NFIB: variants seen among roughly 807,000 people sequenced by gnomAD.
The protein encoded by NFIB is nuclear factor 1 B-type.
In NFIB, 11 loss-of-function variants were observed where a neutral mutation model predicts 61.5. The observed-to-expected ratio is 0.18, with a 90% CI of 0.11 to 0.30. The LOEUF is 0.30. NFIB is among the 10% of genes least tolerant of loss of function. The pLI, the probability that NFIB is intolerant of heterozygous loss-of-function variation, is 1.00. For missense variants in NFIB, 471 were observed against 608.9 expected, an observed-to-expected ratio of 0.77 and a Z score of 2.38; for synonymous variants, 260 against 216.5, an observed-to-expected ratio of 1.20 and a Z score of -1.76.
intron 1 of NFIB, among the ~76,000 whole-genome samples, chr9:14,336,879 C>G (rs931549044): frequency 6.6e-6 from 1 of 152,158 alleles, no homozygotes; most frequent in Non-Finnish European, 1.5e-5. Flanking sequence ...GTCATACACT[C>G]TCCGTCACAA....
intron 3 of NFIB, among the ~76,000 whole-genome samples, chr9:14,162,378 G>A (rs560483304): frequency 1.3e-5 from 2 of 151,844 alleles, no homozygotes; most frequent in African/African-American, 4.8e-5. Flanking sequence ...AGATTCTCCG[G>A]TTTTTTTCTA....
intron 3 of NFIB, among the ~76,000 whole-genome samples, chr9:14,164,599 T>C (rs72698756): frequency 0.062 from 9,376 of 152,164 alleles, 420 homozygotes; most frequent in Non-Finnish European, 0.09. Flanking sequence ...GACATAACCA[T>C]AGAAATCAAA....
chr9:14,336,963 C>T (rs967387101), intron 1 of NFIB, among the ~76,000 whole-genome samples: 5 of 152,140 alleles, frequency 3.3e-5, no homozygotes, highest in African/African-American at 1.2e-4. Flanking sequence ...GCTGTGTTTC[C>T]ATAAAACTTT....
intron 3 of NFIB, among the ~76,000 whole-genome samples, chr9:14,163,913 A>G (rs2044479116): frequency 6.6e-6 from 1 of 151,906 alleles, no homozygotes; most frequent in South Asian, 2.1e-4. Context: ...AATTATCTCA[A>G]CTACCTAGAA....
intron 2 of NFIB, among the ~76,000 whole-genome samples, chr9:14,290,549 G>C (rs1420943134): frequency 6.6e-6 from 1 of 151,998 alleles, no homozygotes; most frequent in African/African-American, 2.4e-5. Context: ...CAACTACATA[G>C]TGAATAGTAT....
chr9:14,466,432 G>A, the NFIB span, among the ~76,000 whole-genome samples: 1 of 151,994 alleles, frequency 6.6e-6, no homozygotes, highest in East Asian at 1.9e-4. Flanking sequence ...TAGGAACACG[G>A]CACTCTGGAT....
At chr9:14,495,878 G>T in the NFIB span, among the ~76,000 whole-genome samples, 5 of 152,106 alleles carry the variant, frequency 3.3e-5, no homozygotes, top group African/African-American at 9.7e-5. Flanking sequence ...AGAAATTATG[G>T]TTTAGTGACT....
chr9:14,360,003 T>G (rs914418441), intron 1 of NFIB, among the ~76,000 whole-genome samples: 1 of 152,228 alleles, frequency 6.6e-6, no homozygotes, highest in African/African-American at 2.4e-5. Context: ...CTAACCAATG[T>G]AGACATGCTA....
chr9:14,091,533 T>C (rs1186461419), intron 10 of NFIB, among the ~76,000 whole-genome samples: 2 of 152,056 alleles, frequency 1.3e-5, no homozygotes, highest in African/African-American at 4.8e-5. Flanking sequence ...TGGATAATCT[T>C]ATGTTCATTC....
chr9:14,225,750 A>T (rs2052318618), intron 2 of NFIB, among the ~76,000 whole-genome samples: 1 of 152,160 alleles, frequency 6.6e-6, no homozygotes, highest in Admixed American at 6.5e-5. Flanking sequence ...TCTCAACTTT[A>T]CTGTAATTCT....
chr9:14,276,131 A>AT, intron 2 of NFIB, among the ~76,000 whole-genome samples: 1 of 152,186 alleles, frequency 6.6e-6, no homozygotes, highest in East Asian at 1.9e-4. Flanking sequence ...GCCATACTCC[A>AT]TTTTTTGGTA....
intron 2 of NFIB, among the ~76,000 whole-genome samples, chr9:14,240,437 C>T (rs1317228283): frequency 6.6e-6 from 1 of 152,118 alleles, no homozygotes; most frequent in Non-Finnish European, 1.5e-5. Flanking sequence ...ATGTGCATCG[C>T]ATTATAAATG....
In NFIB at chr9:14,120,850, T is replaced by A. The variant is rs554490029; in HGVS notation, c.1061-226A>T. Among the ~76,000 whole-genome samples the A allele has an allele frequency of 9.8e-5, 15 of 152,340 alleles. No individual in the cohort carries two copies. Among genetic ancestry groups the A allele is most frequent in the African/African-American group, 3.6e-4 (15 of 41,580 alleles). On this transcript the variant is annotated intron_variant, in intron 7 of 10. Coordinates refer to ENST00000380953, the MANE Select transcript of NFIB (RefSeq NM_001190737.2). This position sits in a 1 kb window ranked among gnomAD's most constrained non-coding sequence, Gnocchi z 4.4. ...ACATCACTCTAGAAAATTAACAATC[T>A]TGCTTCCTGGCTCTGTGAGTGGTTA...
At chr9:14,310,235 A>C (rs962915219) in intron 1 of NFIB, among the ~76,000 whole-genome samples, 2 of 152,202 alleles carry the variant, frequency 1.3e-5, no homozygotes, top group Non-Finnish European at 2.9e-5. Context: ...AATGCTGCCA[A>C]TATTGTTTTA....
At chr9:14,248,092 C>T (rs2055143043) in intron 2 of NFIB, among the ~76,000 whole-genome samples, 1 of 151,736 alleles carries the variant, frequency 6.6e-6, no homozygotes, top group South Asian at 2.1e-4. Context: ...ACCACCATGC[C>T]CAGCTAACTT....
At chr9:14,301,483 C>T (rs1027644047) in intron 2 of NFIB, among the ~76,000 whole-genome samples, 1 of 152,102 alleles carries the variant, frequency 6.6e-6, no homozygotes, top group Non-Finnish European at 1.5e-5. Context: ...ATTTTACCAA[C>T]CTTTGCTGCC....
intron 10 of NFIB, among the ~76,000 whole-genome samples, chr9:14,110,485 A>G (rs2037200322): frequency 6.6e-6 from 1 of 152,088 alleles, no homozygotes; most frequent in East Asian, 1.9e-4. Context: ...CTAATATAAC[A>G]TGATTGATTA....
chr9:14,462,194 A>G, the NFIB span, among the ~76,000 whole-genome samples: 1 of 152,248 alleles, frequency 6.6e-6, no homozygotes, highest in African/African-American at 2.4e-5. Flanking sequence ...AGTCTGATGC[A>G]TAAAATATAT....
chr9:14,109,906 G>C (rs2037088118), intron 10 of NFIB, among the ~76,000 whole-genome samples: 1 of 151,974 alleles, frequency 6.6e-6, no homozygotes, highest in African/African-American at 2.4e-5. Context: ...TTCCCAAGCA[G>C]TTAGCAACCA....
Sources: allele counts gnomAD v4.1 joint callset (sites outside exome capture counted in the v4.1 genomes callset), GRCh38; gene constraint gnomAD v4.1.1; non-coding constraint Gnocchi (gnomAD v3.1); transcripts MANE v1.5; gene names NCBI Gene and HGNC (gene_info 2026-07-23, HGNC 2026-07-21).